MYBBP1A: variants seen among roughly 807,000 people sequenced by gnomAD.
MYBBP1A encodes the protein MYB binding protein 1a.
In MYBBP1A, 147 loss-of-function variants were observed where a neutral mutation model predicts 136.3. The observed-to-expected ratio is 1.08, with a 90% CI of 0.94 to 1.24. The LOEUF is 1.24. MYBBP1A is among the 50% of genes most tolerant of loss of function. The probability of loss-of-function intolerance (pLI) is 0.00; values close to 1 mark genes in which losing one functional copy is unlikely to be tolerated. For missense variants in MYBBP1A, 2,060 were observed against 1,727.4 expected (o/e 1.19, Z -3.41); for synonymous variants, 947 against 735.8 (o/e 1.29, Z -4.65).
chr17:4,541,927 G>A, intron 22 of MYBBP1A, 36 bp from the exon 23 acceptor site: 1 of 1,562,666 alleles, frequency 6.4e-7, no homozygotes, highest in Non-Finnish European at 8.8e-7. Context: ...AGGAGCCTTG[G>A]CACGTTGGGT....
Position 4,554,295 on chromosome 17 carries a change from G to A in MYBBP1A, c.295-17C>T, listed in dbSNP as rs150857821. The A allele has an allele frequency of 6.2e-7, 1 of 1,612,342 alleles. No individual in the cohort carries two copies. The highest frequency in any genetic ancestry group is 8.5e-7 in the Non-Finnish European group (1 of 1,178,618). ...CTGTAACAGCTGCCAGGAGTTGTGT[G>A]GCAGGAGGAAGAGGGTTCAGGAGAG... is the stretch of plus-strand genomic sequence containing the variant. On this transcript the variant is annotated splice_polypyrimidine_tract_variant and intron_variant, in intron 2 of 25. Transcript: ENST00000254718.
At chr17:4,549,894 C>G (rs1907350665) in intron 9 of MYBBP1A, among the ~76,000 whole-genome samples, 164 bp downstream of exon 9, 1 of 151,836 alleles carries the variant, frequency 6.6e-6, no homozygotes, top group Non-Finnish European at 1.5e-5. Flanking sequence ...AGTGTGGGGA[C>G]ACACAAGTAA....
chr17:4,552,329 A>C lies in MYBBP1A; in HGVS notation c.738-37T>G. ...AAGGGACTCAGGGAACACTTGCCTC[A>C]CAGGCAAGGGCCAGGGTGACAAGAG... On this transcript the variant is annotated intron_variant, in intron 6 of 25. Transcript: ENST00000254718. The surrounding 1 kb of genome is among the most constrained non-coding windows in gnomAD (Gnocchi z 4.7). 6.2e-7 allele frequency: 1 copy of C among 1,612,092 alleles called. No homozygotes were observed. The highest frequency in any genetic ancestry group is 8.5e-7 in the Non-Finnish European group (1 of 1,179,290).
At position 4,544,934 on chromosome 17, in the gene MYBBP1A, G is replaced by A. The variant is rs372491943; in HGVS notation, c.2311-13C>T. ...TGTCCTCTCCACCCTGAGGGACAGA[G>A]GCCCAGCGGTCAGCCAGGCCTCGGG... On this transcript the variant is annotated splice_polypyrimidine_tract_variant and intron_variant, in intron 17 of 25. Transcript: ENST00000254718. 1.9e-6 allele frequency: 3 copies of A among 1,593,410 alleles called. No homozygotes were observed. Among genetic ancestry groups the A allele is most frequent in the East Asian group, 4.5e-5 (2 of 44,354 alleles).
rs566185823 is a variant in MYBBP1A at position 4,552,008 on chromosome 17, T to C, written c.906-11A>G. On this transcript the variant is annotated splice_polypyrimidine_tract_variant and intron_variant, in intron 7 of 25. Coordinates refer to ENST00000254718, the MANE Select transcript of MYBBP1A (RefSeq NM_014520.4). This position sits in a 1 kb window ranked among gnomAD's most constrained non-coding sequence, Gnocchi z 4.7. The stretch of plus-strand genomic sequence containing the variant: ...CGGAAACACAGGTAGCTAAAGGGGG[T>C]GCAGGACAGAGCCTGGTCAGAGCCC... The C allele has an allele frequency of 5.4e-5, 87 of 1,604,976 alleles. No individual in the cohort carries two copies. The South Asian group carries it at 9.1e-4, about 17-fold the overall frequency.
chr17:4,554,733 C>CA (rs1907870127), intron 2 of MYBBP1A, 128 bp downstream of exon 2: 2 of 861,432 alleles, frequency 2.3e-6, no homozygotes, highest in Non-Finnish European at 3.6e-6. Context: ...GGCCTCCAGT[C>CA]TGCTCTGCCA....
rs1250052331 is a variant in MYBBP1A at position 4,539,348 on chromosome 17, A to T, written c.*67T>A. 2.5e-4 allele frequency: 346 copies of T among 1,397,454 alleles called. 1 individual carries two copies. The highest frequency in any genetic ancestry group is 3.8e-4 in the South Asian group (25 of 66,268). 86.6% of individuals were successfully genotyped at this position (1,397,454 alleles called of 1,614,324 possible). A position where few individuals can be genotyped will look rare whatever the true frequency, so the allele number is the denominator to read the frequency against. On this transcript the variant is annotated 3_prime_UTR_variant, in exon 26 of 26. Coordinates refer to ENST00000254718, the MANE Select transcript of MYBBP1A (RefSeq NM_014520.4). ...TTGCGTATTAAAATCATGGTTTAAAAAAAAAAAAAAAAAATAGGCGTCTCA... is the reference window on the plus strand; with the variant it reads ...TTGCGTATTAAAATCATGGTTTAAATAAAAAAAAAAAAAATAGGCGTCTCA...
chr17:4,554,693 C>T (rs1907867441), intron 2 of MYBBP1A, among the ~76,000 whole-genome samples, 168 bp downstream of exon 2: 1 of 152,192 alleles, frequency 6.6e-6, no homozygotes. Context: ...CACACCTTCT[C>T]CACTTTCATG....
intron 8 of MYBBP1A, among the ~76,000 whole-genome samples, chr17:4,550,973 G>A (rs1028617938): frequency 2.6e-5 from 4 of 152,270 alleles, no homozygotes; most frequent in Non-Finnish European, 4.4e-5. Flanking sequence ...CAGTGGGATA[G>A]TGTCCGGCTT....
chr17:4,548,315 G>A lies in MYBBP1A; in HGVS notation c.1557-5C>T. 6.2e-7 allele frequency: 1 copy of A among 1,611,618 alleles called. No individual in the cohort carries two copies. Among genetic ancestry groups the A allele is most frequent in the South Asian group, 1.1e-5 (1 of 91,080 alleles). ...GTGCTGAGGGTCTGCAACAGACTGGGCAAGGGATGGGGCTTGGGGTCAGCA... is the reference window on the plus strand; with the variant it reads ...GTGCTGAGGGTCTGCAACAGACTGGACAAGGGATGGGGCTTGGGGTCAGCA... On this transcript the variant is annotated splice_polypyrimidine_tract_variant and splice_region_variant and intron_variant, in intron 11 of 25. Transcript: ENST00000254718. The surrounding 1 kb of genome is among the most constrained non-coding windows in gnomAD (Gnocchi z 4.2).
chr17:4,544,782 T>C lies in MYBBP1A; in HGVS notation c.2450A>G (p.Glu817Gly). 8 of 1,594,116 alleles carry C rather than the reference T, an allele frequency of 5.0e-6. No homozygotes were observed. Among genetic ancestry groups the C allele is most frequent in the Non-Finnish European group, 6.8e-6 (8 of 1,171,026 alleles). ...RRDEKNKLQK[E>G]KALRRDFQIR... is the part of the protein sequence containing the mutation. ...CTGGAAGTCGCGCCGCAGAGCCTTC[T>C]CCTTCTGCAGCTTGTTCTTCTCGTC... The change falls in exon 18 of 26, where the codon GAG (glutamate) becomes GGG (glycine). Residue 817 changes from glutamate (E) to glycine (G), a missense_variant. Physicochemically the swap from Glu to Gly is moderately conservative, Grantham distance 98. Coordinates refer to ENST00000254718, the MANE Select transcript of MYBBP1A (RefSeq NM_014520.4).
chr17:4,539,034 C>A lies in MYBBP1A; in HGVS notation c.*381G>T. 1 of 899,326 alleles carries A rather than the reference C, an allele frequency of 1.1e-6. No homozygotes were observed. The highest frequency in any genetic ancestry group is 2.4e-5 in the East Asian group (1 of 41,760). The allele number at this position is 899,326 out of a possible 1,614,324, so 55.7% of individuals were successfully genotyped here. On this transcript the variant is annotated 3_prime_UTR_variant, in exon 26 of 26. Coordinates refer to ENST00000254718, the MANE Select transcript of MYBBP1A (RefSeq NM_014520.4). ...AATGAAGAAATAAACCTATTTAAAT[C>A]ACCCCCTGGTGGCTCCCTCACAGCA...
At chr17:4,544,989 C>CAA in intron 17 of MYBBP1A, 37 bp downstream of exon 17, 2 of 1,436,526 alleles carry the variant, frequency 1.4e-6, no homozygotes, top group Non-Finnish European at 1.9e-6. Flanking sequence ...CACCCGAGCC[C>CAA]TCCCCGGCCG....
intron 8 of MYBBP1A, 132 bp downstream of exon 8, chr17:4,551,748 A>G: frequency 1.3e-6 from 1 of 754,356 alleles, no homozygotes; most frequent in Non-Finnish European, 2.3e-6. Flanking sequence ...GGGTTCAGGC[A>G]GCTCACTACC....
chr17:4,549,715 C>G (rs1907332596), intron 9 of MYBBP1A, among the ~76,000 whole-genome samples: 1 of 138,640 alleles, frequency 7.2e-6, no homozygotes, highest in South Asian at 2.3e-4. Context: ...ACCCGGGAGG[C>G]AGAAGTTGCA....
At chr17:4,549,470 G>A (rs748925764) in intron 9 of MYBBP1A, 28 bp from the exon 10 acceptor site, 1 of 1,599,630 alleles carries the variant, frequency 6.3e-7, no homozygotes, top group Non-Finnish European at 8.5e-7. Flanking sequence ...GAGGTCATGT[G>A]AGCCACTTAT....
Position 4,554,263 on chromosome 17 carries a change from C to CA in MYBBP1A, c.309dup (p.Glu104Ter), listed in dbSNP as rs745448639. On this transcript the variant is annotated frameshift_variant, in exon 3 of 26. Transcript: ENST00000254718. LOFTEE classifies it high-confidence loss of function. ...AGGATGCTGCACAAGGGGAGGTCTT[C>CA]AAAAGACTGTAACAGCTGCCAGGAG... The CA allele has an allele frequency of 6.2e-6, 10 of 1,613,992 alleles. No homozygotes were observed. The highest frequency in any genetic ancestry group is 1.3e-5 in the African/African-American group (1 of 75,006).
chr17:4,552,188 A>G lies in MYBBP1A; in HGVS notation c.842T>C (p.Phe281Ser). ...LLRLALKEDK[F>S]PRFWKEVVEQ... ...CACCACCTCCTTCCAGAACCGTGGG[A>G]ACTTGTCTTCCTTGAGTGCCAGGCG... The change falls in exon 7 of 26, where the codon TTC (phenylalanine) becomes TCC (serine). Residue 281 changes from phenylalanine to serine, a missense_variant. Phe to Ser is a radical substitution (Grantham distance 155). Coordinates refer to ENST00000254718, the MANE Select transcript of MYBBP1A (RefSeq NM_014520.4). The surrounding 1 kb of genome is among the most constrained non-coding windows in gnomAD (Gnocchi z 4.7). The G allele has an allele frequency of 1.2e-6, 2 of 1,614,214 alleles. No homozygotes were observed. Among genetic ancestry groups the G allele is most frequent in the South Asian group, 2.2e-5 (2 of 91,088 alleles).
At position 4,554,081 on chromosome 17, in the gene MYBBP1A, G is replaced by A. The variant is rs780049094; in HGVS notation, c.391C>T (p.Pro131Ser). 4 of 1,614,038 alleles carry A rather than the reference G, an allele frequency of 2.5e-6. No homozygotes were observed. The highest frequency in any genetic ancestry group is 1.1e-5 in the South Asian group (1 of 91,086). ...LHQVKKAMLR[P>S]ALFANLFGVL... ...CCAAACAGGTTTGCAAAGAGAGCAG[G>A]TCTCAGCATTGCCTAGAAAAGGATT... The change falls in exon 4 of 26, where the codon CCT (proline) becomes TCT (serine). Residue 131 changes from proline (P) to serine (S), a missense_variant. Transcript: ENST00000254718.
Sources: allele counts gnomAD v4.1 joint callset (sites outside exome capture counted in the v4.1 genomes callset), GRCh38; gene constraint gnomAD v4.1.1; non-coding constraint Gnocchi (gnomAD v3.1); transcripts MANE v1.5; gene names NCBI Gene and HGNC (gene_info 2026-07-23, HGNC 2026-07-21).